Variants in SYT2 observed in about 807,000 individuals in gnomAD.
SYT2 encodes the protein synaptotagmin 2.
A neutral mutation model predicts 39.9 loss-of-function variants in SYT2; 15 were observed. The observed-to-expected ratio is 0.38, with a 90% CI of 0.25 to 0.58. SYT2 has a LOEUF of 0.58. Among genes scored for constraint, SYT2 ranks in the 20% least tolerant of loss-of-function variants. The pLI is 0.70. For missense variants in SYT2, 389 were observed against 530.3 expected (o/e 0.73, Z 2.62); for synonymous variants, 181 against 204.5 (o/e 0.89, Z 0.98).
At chr1:202,669,121 A>C (rs1692534941) in intron 1 of SYT2, among the ~76,000 whole-genome samples, 1 of 152,256 alleles carries the variant, frequency 6.6e-6, no homozygotes, top group Non-Finnish European at 1.5e-5. Context: ...CTACTAACAC[A>C]AAGTGAGATA....
intron 1 of SYT2, among the ~76,000 whole-genome samples, chr1:202,687,564 C>T (rs1653701754): frequency 6.6e-6 from 1 of 150,820 alleles, no homozygotes; most frequent in Admixed American, 6.6e-5. Flanking sequence ...AGGGCCTCCC[C>T]TTGACCAGAC....
At chr1:202,676,963 A>G (rs964757517) in intron 1 of SYT2, among the ~76,000 whole-genome samples, 1 of 152,122 alleles carries the variant, frequency 6.6e-6, no homozygotes, top group African/African-American at 2.4e-5. Flanking sequence ...TAGAGTTCTC[A>G]TGAGATCCGA....
chr1:202,653,272 T>C (rs1558449666), intron 1 of SYT2, among the ~76,000 whole-genome samples: 1 of 152,120 alleles, frequency 6.6e-6, no homozygotes, highest in African/African-American at 2.4e-5. Flanking sequence ...CCTGCATAGA[T>C]TCATACTTAG....
chr1:202,608,113 T>C (rs1464194971), intron 1 of SYT2, among the ~76,000 whole-genome samples: 1 of 152,176 alleles, frequency 6.6e-6, no homozygotes, highest in East Asian at 1.9e-4. Flanking sequence ...ACTCTATAGA[T>C]TTGTCTATCC....
chr1:202,597,210 G>C (rs1175209959), intron 8 of SYT2, among the ~76,000 whole-genome samples: 2 of 152,222 alleles, frequency 1.3e-5, no homozygotes, highest in Admixed American at 6.5e-5. Flanking sequence ...TTAAGCACTT[G>C]GAGGGGGAGA....
intron 1 of SYT2, among the ~76,000 whole-genome samples, chr1:202,681,694 C>T (rs1572676345): frequency 6.6e-6 from 1 of 152,278 alleles, no homozygotes; most frequent in East Asian, 1.9e-4. Context: ...CAGATGGCTG[C>T]TTGGATGACT....
chr1:202,702,292 C>T (rs1262855223), intron 1 of SYT2, among the ~76,000 whole-genome samples: 1 of 152,196 alleles, frequency 6.6e-6, no homozygotes, highest in Non-Finnish European at 1.5e-5. Context: ...CAGCAGCAAC[C>T]AGCACAGTTC....
Position 202,599,176 on chromosome 1 carries a change from C to T in SYT2, c.1053+42G>A. The T allele has an allele frequency of 1.2e-6, 2 of 1,608,942 alleles. No individual in the cohort carries two copies. Among genetic ancestry groups the T allele is most frequent in the East Asian group, 4.5e-5 (2 of 44,670 alleles). ...CAACCTCCCCATACATGTTTGCCTC[C>T]CCAAACCCTGCTCCATGCCTAGGAA... On this transcript the variant is annotated intron_variant, in intron 8 of 8. Transcript: ENST00000367268. The surrounding 1 kb of genome is among the most constrained non-coding windows in gnomAD (Gnocchi z 4.4).
chr1:202,632,574 A>G, intron 1 of SYT2: 1 of 985,366 alleles, frequency 1.0e-6, no homozygotes, highest in Non-Finnish European at 1.2e-6. Context: ...TGAGAAGACT[A>G]AGCCCAGAGG....
At chr1:202,704,663 T>TACACACATATGCACACACAGGTAC (rs6143573) in intron 1 of SYT2, among the ~76,000 whole-genome samples, 46,035 of 151,720 alleles carry the variant, frequency 0.3, 7,297 homozygotes, top group South Asian at 0.43. Context: ...GGACCCTGAA[T>TACACACATATGCACACACAGGTAC]ACACACATAT....
At chr1:202,707,069 C>G (rs187158165) in intron 1 of SYT2, among the ~76,000 whole-genome samples, 15 of 152,152 alleles carry the variant, frequency 9.9e-5, no homozygotes, top group East Asian at 1.9e-4. Flanking sequence ...GTAAATGCCA[C>G]GAGGGCAGGA....
intron 1 of SYT2, among the ~76,000 whole-genome samples, chr1:202,631,748 A>G (rs1181352073): frequency 6.6e-6 from 1 of 152,180 alleles, no homozygotes; most frequent in Admixed American, 6.5e-5. Flanking sequence ...TGATGAGTTC[A>G]TGGTCCCAGG....
rs772462499 is a variant in SYT2, at chr1:202,601,837, G to A, written c.801+53C>T. ...GTTTCCATCATGCCAAGAGGTGGAA[G>A]CCCACCTGTACATTCGTCTTTCTGC... is the stretch of plus-strand genomic sequence containing the variant. On this transcript the variant is annotated intron_variant, in intron 6 of 8. Transcript: ENST00000367268. The surrounding 1 kb of genome is among the most constrained non-coding windows in gnomAD (Gnocchi z 4.0). 41 of 1,562,188 alleles carry A rather than the reference G, an allele frequency of 2.6e-5. No homozygotes were observed. Among genetic ancestry groups the A allele is most frequent in the Admixed American group, 5.3e-5 (3 of 57,014 alleles).
Position 202,596,884 on chromosome 1 carries a change from C to T in SYT2, c.1133G>A (p.Ser378Asn). The change falls in exon 9 of 9, where the codon AGC (serine) becomes AAC (asparagine). Residue 378 changes from serine (S) to asparagine (N), a missense_variant. Ser to Asn is a conservative substitution (Grantham distance 46, BLOSUM62 1). This residue lies in a region of SYT2 where 84 missense variants were observed against 123.1 expected (regional missense o/e 0.68). Transcript: ENST00000367268. ...NEAIGKIFVG[S>N]NATGTELRHW... ...CCGCAGCTCTGTGCCCGTGGCATTG[C>T]TGCCCACGAAGATCTTGCCTATGGC... 6.8e-6 allele frequency: 11 copies of T among 1,614,242 alleles called. No homozygotes were observed. Among genetic ancestry groups the T allele is most frequent in the Non-Finnish European group, 9.3e-6 (11 of 1,180,042 alleles).
intron 1 of SYT2, among the ~76,000 whole-genome samples, chr1:202,652,215 C>A (rs1198715939): frequency 6.6e-6 from 1 of 152,214 alleles, no homozygotes. Context: ...CAGCCATCGT[C>A]CCTTTGCCTT....
chr1:202,660,459 G>A (rs1440247385), intron 1 of SYT2, among the ~76,000 whole-genome samples: 1 of 152,128 alleles, frequency 6.6e-6, no homozygotes, highest in Non-Finnish European at 1.5e-5. Context: ...CTCTTCCACA[G>A]CAGCTTTCAC....
chr1:202,692,183 G>A (rs543336611), intron 1 of SYT2, among the ~76,000 whole-genome samples: 1 of 152,184 alleles, frequency 6.6e-6, no homozygotes, highest in South Asian at 2.1e-4. Flanking sequence ...GCTCTGACCT[G>A]ACATAGAGAA....
intron 1 of SYT2, among the ~76,000 whole-genome samples, chr1:202,708,484 T>C (rs776768350): frequency 2.0e-5 from 3 of 151,576 alleles, no homozygotes; most frequent in Non-Finnish European, 2.9e-5. Flanking sequence ...TCCTAGAGGG[T>C]GAAGCCAGGG....
chr1:202,666,101 C>T (rs1322323919), intron 1 of SYT2, among the ~76,000 whole-genome samples: 94 of 147,086 alleles, frequency 6.4e-4, no homozygotes, highest in Non-Finnish European at 2.5e-4. Flanking sequence ...TGCAGTGAGC[C>T]GAGATCGTGC....
Sources: allele counts gnomAD v4.1 joint callset (sites outside exome capture counted in the v4.1 genomes callset), GRCh38; gene constraint gnomAD v4.1.1; regional missense constraint gnomAD v4.1.1; non-coding constraint Gnocchi (gnomAD v3.1); transcripts MANE v1.5; gene names NCBI Gene and HGNC (gene_info 2026-07-23, HGNC 2026-07-21).